KCNN3: variants seen among roughly 807,000 people sequenced by gnomAD.
KCNN3 encodes the protein small conductance calcium-activated potassium channel protein 3.
In KCNN3, 16 loss-of-function variants were observed where a neutral mutation model predicts 62.9. That is an observed-to-expected ratio of 0.25 (90% CI 0.17 to 0.39). The LOEUF (loss-of-function observed/expected upper bound fraction) is 0.39, where lower values mean the gene tolerates loss of function less well. KCNN3 is among the 10% of genes least tolerant of loss of function. The probability of loss-of-function intolerance (pLI) is 1.00; values close to 1 mark genes in which losing one functional copy is unlikely to be tolerated. For missense variants in KCNN3, 599 were observed against 949.4 expected (o/e 0.63, Z 4.85); for synonymous variants, 370 against 389.2 (o/e 0.95, Z 0.58).
intron 1 of KCNN3, among the ~76,000 whole-genome samples, chr1:154,844,437 G>A (rs1231061719): frequency 6.6e-6 from 1 of 152,144 alleles, no homozygotes; most frequent in Non-Finnish European, 1.5e-5. Flanking sequence ...TTGACACTTG[G>A]TGTCAAAGGC....
intron 1 of KCNN3, among the ~76,000 whole-genome samples, chr1:154,867,225 C>G (rs1437055648): frequency 6.6e-6 from 1 of 152,192 alleles, no homozygotes; most frequent in African/African-American, 2.4e-5. Context: ...TATCCTGGAG[C>G]GCCCAGCAGG....
chr1:154,721,301 CTTT>C (rs34172435), intron 5 of KCNN3, among the ~76,000 whole-genome samples: 17 of 117,946 alleles, frequency 1.4e-4, no homozygotes, highest in Admixed American at 1.7e-4. Flanking sequence ...TTTTTCTTTC[CTTT>C]TTTTTTTTTT....
At chr1:154,836,964 G>A (rs886413914) in intron 1 of KCNN3, among the ~76,000 whole-genome samples, 3 of 152,204 alleles carry the variant, frequency 2.0e-5, no homozygotes, top group Non-Finnish European at 4.4e-5. Flanking sequence ...GAGGAGAATC[G>A]TGCAAAATCA....
In KCNN3 at chr1:154,745,996, G is replaced by A. The variant is rs141276449; in HGVS notation, c.1449-12852C>T. 3.5e-4 allele frequency among the ~76,000 whole-genome samples: 54 copies of A among 152,270 alleles called. No homozygotes were observed. In the East Asian group the frequency reaches 6.9e-3, roughly 20 times the overall value. ...GTTAGCTGTGTGGCCTAGGGAAGGC[G>A]CTTACCTCTCTGTGTCTTGGGCTTC... is the stretch of plus-strand genomic sequence containing the variant. On this transcript the variant is annotated intron_variant, in intron 3 of 7. Transcript: ENST00000271915.
chr1:154,867,843 G>C, intron 1 of KCNN3: 1 of 460,460 alleles, frequency 2.2e-6, no homozygotes. Context: ...ACAAATTGGG[G>C]GTGGGGGTAT....
intron 5 of KCNN3, among the ~76,000 whole-genome samples, chr1:154,718,045 G>C (rs941925583): frequency 6.6e-6 from 1 of 152,130 alleles, no homozygotes; most frequent in African/African-American, 2.4e-5. Flanking sequence ...GACCTCTCCT[G>C]GTGGGCAGAG....
At chr1:154,745,582 T>C (rs1187092056) in intron 3 of KCNN3, among the ~76,000 whole-genome samples, 1 of 152,200 alleles carries the variant, frequency 6.6e-6, no homozygotes, top group Non-Finnish European at 1.5e-5. Context: ...CTCTTGGGTC[T>C]CTTGGTCTTG....
chr1:154,725,671 G>C (rs547612032), intron 5 of KCNN3, among the ~76,000 whole-genome samples: 3 of 152,148 alleles, frequency 2.0e-5, no homozygotes, highest in South Asian at 4.1e-4. Flanking sequence ...AGCCTCCTGA[G>C]TAGCTGGGAC....
chr1:154,826,754 A>G (rs1651151190), intron 1 of KCNN3, among the ~76,000 whole-genome samples: 1 of 152,258 alleles, frequency 6.6e-6, no homozygotes, highest in African/African-American at 2.4e-5. Flanking sequence ...AAAACAGGCC[A>G]GAACTGTAAT....
At chr1:154,859,526 C>A (rs1021804955) in intron 1 of KCNN3, among the ~76,000 whole-genome samples, 1 of 152,214 alleles carries the variant, frequency 6.6e-6, no homozygotes, top group Non-Finnish European at 1.5e-5. Flanking sequence ...GGAAAACCAA[C>A]GGTGGCAGAT....
chr1:154,808,045 C>T (rs1041465513), intron 2 of KCNN3, among the ~76,000 whole-genome samples: 1 of 152,168 alleles, frequency 6.6e-6, no homozygotes, highest in Non-Finnish European at 1.5e-5. Flanking sequence ...CCATTCTTAC[C>T]TCTCAGTCTT....
intron 4 of KCNN3, among the ~76,000 whole-genome samples, chr1:154,729,431 CG>C: frequency 6.6e-6 from 1 of 152,094 alleles, no homozygotes; most frequent in East Asian, 1.9e-4. Flanking sequence ...GTGGCTGGGA[CG>C]GGGTGAACAC....
In KCNN3 at chr1:154,707,983, C is replaced by T; in HGVS notation, c.2189G>A (p.Ser730Asn). The T allele has an allele frequency of 1.2e-6, 2 of 1,613,346 alleles. No homozygotes were observed. Among genetic ancestry groups the T allele is most frequent in the African/African-American group, 1.3e-5 (1 of 75,028 alleles). ...SFPTPYTSSS[S>N]C ...TGGAGTGGGGAGATTTATTTAGCAA[C>T]TGCTTGAACTTGTGTACGGGGTCGG... is the stretch of plus-strand genomic sequence containing the variant. Residue 730 changes from serine to asparagine, a missense_variant, in exon 8 of 8, where the codon AGT becomes AAT. By Grantham distance (46) the Ser-to-Asn change is conservative (BLOSUM62 1). Around this residue, in one of 7 missense-constraint regions of KCNN3, gnomAD observed 52 missense variants for 53.3 expected, o/e 0.98. Transcript: ENST00000271915.
intron 4 of KCNN3, among the ~76,000 whole-genome samples, chr1:154,727,850 G>A (rs566718779): frequency 1.3e-5 from 2 of 152,310 alleles, no homozygotes; most frequent in South Asian, 2.1e-4. Context: ...TCGACCGGAC[G>A]GAGTATCATC....
chr1:154,857,635 G>A (rs1055532382), intron 1 of KCNN3, among the ~76,000 whole-genome samples: 2 of 152,168 alleles, frequency 1.3e-5, no homozygotes, highest in African/African-American at 2.4e-5. Context: ...ATGTGAGGGC[G>A]TCGGAGACAC....
intron 2 of KCNN3, among the ~76,000 whole-genome samples, chr1:154,796,183 T>TA (rs1325297606): frequency 8.5e-5 from 13 of 152,056 alleles, no homozygotes; most frequent in Non-Finnish European, 1.5e-5. Flanking sequence ...CACTGGAAAA[T>TA]ACCTTGGAAG....
At chr1:154,789,041 C>T (rs1317898446) in intron 2 of KCNN3, among the ~76,000 whole-genome samples, 1 of 152,146 alleles carries the variant, frequency 6.6e-6, no homozygotes, top group African/African-American at 2.4e-5. Flanking sequence ...ATTACAGCTC[C>T]GGAGGCCAGA....
At chr1:154,865,308 G>A (rs1004421669) in intron 1 of KCNN3, among the ~76,000 whole-genome samples, 5 of 151,878 alleles carry the variant, frequency 3.3e-5, no homozygotes, top group Non-Finnish European at 7.4e-5. Flanking sequence ...TCTAGACCAG[G>A]CCTCGTCACA....
chr1:154,789,448 C>T (rs1649419967), intron 2 of KCNN3, among the ~76,000 whole-genome samples: 1 of 152,120 alleles, frequency 6.6e-6, no homozygotes, highest in South Asian at 2.1e-4. Flanking sequence ...CATTATGATT[C>T]AGCCTACCAC....
Sources: gnomAD v4.1 joint callset for allele counts (sites outside exome capture counted in the v4.1 genomes callset) on GRCh38, gnomAD v4.1.1 for gene constraint, gnomAD v4.1.1 regional missense constraint, MANE v1.5 for transcripts, NCBI Gene and HGNC (gene_info 2026-07-23, HGNC 2026-07-21) for gene names.